NRG3: variants seen among roughly 807,000 people sequenced by gnomAD.
The protein encoded by NRG3 is pro-neuregulin-3, membrane-bound isoform.
A neutral mutation model predicts 66.9 loss-of-function variants in NRG3; 31 were observed. The ratio of observed to expected loss-of-function variants is 0.46; its 90% CI spans 0.35 to 0.63. The LOEUF (loss-of-function observed/expected upper bound fraction) is 0.63, where lower values mean the gene tolerates loss of function less well. Among genes scored for constraint, NRG3 ranks in the 20% least tolerant of loss-of-function variants. The pLI, the probability that NRG3 is intolerant of heterozygous loss-of-function variation, is 0.00. For synonymous variants in NRG3, 393 were observed against 359.4 expected, an observed-to-expected ratio of 1.09 and a Z score of -1.06; for missense variants, 910 against 878.9, an observed-to-expected ratio of 1.04 and a Z score of -0.45.
At chr10:81,969,772 AGTGTGTGTGTGT>A (rs151308270) in intron 1 of NRG3, among the ~76,000 whole-genome samples, 79 of 144,994 alleles carry the variant, frequency 5.4e-4, no homozygotes, top group African/African-American at 1.7e-3. Flanking sequence ...GGACATTTTG[AGTGTGTGTGTGT>A]GTGTGTGTGT....
At chr10:82,707,067 A>G (rs1402932550) in intron 2 of NRG3, among the ~76,000 whole-genome samples, 1 of 148,504 alleles carries the variant, frequency 6.7e-6, no homozygotes, top group Non-Finnish European at 1.5e-5. Context: ...TTAAAAAATA[A>G]ACTATATTAA....
intron 2 of NRG3, among the ~76,000 whole-genome samples, chr10:82,528,869 T>A: frequency 6.6e-6 from 1 of 152,130 alleles, no homozygotes; most frequent in East Asian, 1.9e-4. Context: ...TTCCTCTTTT[T>A]TAGGGGGAGA....
intron 2 of NRG3, among the ~76,000 whole-genome samples, chr10:82,445,458 G>A (rs779459902): frequency 6.6e-6 from 1 of 152,084 alleles, no homozygotes; most frequent in African/African-American, 2.4e-5. Flanking sequence ...TCTATCCTAG[G>A]TTCATCTAGA....
chr10:82,187,548 G>A (rs1482963468), intron 1 of NRG3, among the ~76,000 whole-genome samples: 3 of 152,156 alleles, frequency 2.0e-5, no homozygotes, highest in Admixed American at 2.0e-4. Context: ...AATTTAGAGT[G>A]AGAAGGATAA....
intron 1 of NRG3, among the ~76,000 whole-genome samples, chr10:81,886,139 C>T (rs114808266): frequency 0.025 from 3,813 of 152,160 alleles, 98 homozygotes; most frequent in African/African-American, 0.058. Flanking sequence ...CAAATCTGTA[C>T]GTCCTGCACA....
At position 82,985,407 on chromosome 10, in the gene NRG3, A is replaced by G. The variant is rs1243812553; in HGVS notation, c.1893A>G (p.Leu631=). Residue 631 remains leucine, a synonymous_variant, in exon 9 of 9, where the codon CTA becomes CTG. Transcript: ENST00000372141. The stretch of plus-strand genomic sequence containing the variant: ...AACAACAAGAAGTGAAAATATTGCT[A>G]GAAACTGTCCAGGAGCAGATCCGAA... The part of the protein sequence containing the change: ...IAEQQEVKIL[L]ETVQEQIRIL... The G allele has an allele frequency of 3.7e-6, 6 of 1,614,186 alleles. No homozygotes were observed. Among genetic ancestry groups the G allele is most frequent in the Non-Finnish European group, 5.1e-6 (6 of 1,180,012 alleles).
intron 2 of NRG3, among the ~76,000 whole-genome samples, chr10:82,361,109 C>T (rs899116395): frequency 1.3e-5 from 2 of 152,194 alleles, no homozygotes; most frequent in Non-Finnish European, 2.9e-5. Context: ...AACAATGAGT[C>T]TCATGTCCAT....
intron 3 of NRG3, among the ~76,000 whole-genome samples, chr10:82,803,309 C>A (rs191253020): frequency 4.6e-5 from 7 of 152,188 alleles, no homozygotes; most frequent in African/African-American, 1.2e-4. Context: ...AATGTGTGGT[C>A]AATATTCTTT....
At chr10:82,277,393 A>G (rs2078906845) in intron 1 of NRG3, among the ~76,000 whole-genome samples, 1 of 152,052 alleles carries the variant, frequency 6.6e-6, no homozygotes, top group Non-Finnish European at 1.5e-5. Flanking sequence ...AACAATAAAG[A>G]CTATAAGGTT....
intron 1 of NRG3, among the ~76,000 whole-genome samples, chr10:82,104,355 A>G (rs781775211): frequency 2.5e-4 from 38 of 152,140 alleles, no homozygotes; most frequent in Non-Finnish European, 1.9e-4. Flanking sequence ...TCTCTATTTC[A>G]ACAGATTGTT....
At chr10:82,498,884 A>G (rs1330533635) in intron 2 of NRG3, among the ~76,000 whole-genome samples, 1 of 152,124 alleles carries the variant, frequency 6.6e-6, no homozygotes, top group Non-Finnish European at 1.5e-5. Context: ...TACACAGTGT[A>G]TTATGCAGTA....
chr10:82,498,000 C>G (rs1469991182), intron 2 of NRG3, among the ~76,000 whole-genome samples: 6 of 151,642 alleles, frequency 4.0e-5, no homozygotes, highest in Non-Finnish European at 8.8e-5. Flanking sequence ...TGTTGCACAT[C>G]TTTTCCTATA....
chr10:81,880,970 G>A (rs1034258707), intron 1 of NRG3, among the ~76,000 whole-genome samples: 3 of 152,076 alleles, frequency 2.0e-5, no homozygotes, highest in African/African-American at 7.2e-5. Context: ...GTGAGCAATG[G>A]ACTCTATTTG....
At chr10:82,351,184 C>T (rs539859715) in intron 1 of NRG3, among the ~76,000 whole-genome samples, 8 of 152,104 alleles carry the variant, frequency 5.3e-5, no homozygotes, top group African/African-American at 1.7e-4. Context: ...GTGAGCCACT[C>T]GCACCCGGCC....
intron 1 of NRG3, among the ~76,000 whole-genome samples, chr10:81,946,826 T>C (rs1053348552): frequency 1.3e-5 from 2 of 152,146 alleles, no homozygotes; most frequent in Admixed American, 1.3e-4. Flanking sequence ...TTGGAAAATA[T>C]CTTGCAGTTC....
At chr10:82,719,543 A>G (rs2057173755) in intron 2 of NRG3, among the ~76,000 whole-genome samples, 1 of 152,194 alleles carries the variant, frequency 6.6e-6, no homozygotes. Context: ...GTTGGCCAGT[A>G]GGAAGCACTA....
intron 1 of NRG3, among the ~76,000 whole-genome samples, chr10:82,145,437 T>A (rs2070171655): frequency 6.6e-6 from 1 of 152,198 alleles, no homozygotes; most frequent in Non-Finnish European, 1.5e-5. Context: ...AATGGGAATA[T>A]CAAAGCTCAT....
At chr10:82,076,424 G>A (rs1186533986) in intron 1 of NRG3, among the ~76,000 whole-genome samples, 1 of 152,158 alleles carries the variant, frequency 6.6e-6, no homozygotes, top group East Asian at 1.9e-4. Flanking sequence ...ATTACTTTGT[G>A]GAGCAACAGA....
chr10:82,376,655 A>G (rs1185962036), intron 2 of NRG3, among the ~76,000 whole-genome samples: 1 of 152,156 alleles, frequency 6.6e-6, no homozygotes, highest in Non-Finnish European at 1.5e-5. Context: ...CGCTTGTGGC[A>G]TATTTCCCCA....
Sources: gnomAD v4.1 joint callset for allele counts (sites outside exome capture counted in the v4.1 genomes callset) on GRCh38, gnomAD v4.1.1 for gene constraint, MANE v1.5 for transcripts, NCBI Gene and HGNC (gene_info 2026-07-23, HGNC 2026-07-21) for gene names.